Variants in TTLL5 observed in about 807,000 individuals in gnomAD.
TTLL5 encodes tubulin tyrosine ligase like 5.
TTLL5 carries 132 observed loss-of-function variants against 168.4 expected under a neutral mutation model. That is an observed-to-expected ratio of 0.78 (90% CI 0.68 to 0.91). The LOEUF (loss-of-function observed/expected upper bound fraction) is 0.91, where lower values mean the gene tolerates loss of function less well. TTLL5 is among the 40% of genes least tolerant of loss of function. TTLL5 has a pLI of 0.00. For synonymous variants in TTLL5, 546 were observed against 558.6 expected (o/e 0.98, Z 0.32); for missense variants, 1,545 against 1,581.5 (o/e 0.98, Z 0.39).
In TTLL5 at chr14:75,717,919, C is replaced by G. The variant is rs1422171386; in HGVS notation, c.799C>G (p.Leu267Val). Residue 267 changes from leucine (L) to valine (V), a missense_variant, in exon 10 of 32, where the codon CTG becomes GTG. Physicochemically the swap from Leu to Val is conservative, Grantham distance 32 (BLOSUM62 1). Transcript: ENST00000298832. ...GAACATTCGGAACCAGTTCATGCAT[C>G]TGACAAACTACAGTGTCAACAAGAA... ...AKNIRNQFMHLTNYSVNKKSG... is the reference protein window; with the variant it reads ...AKNIRNQFMHVTNYSVNKKSG... The G allele has an allele frequency of 6.2e-7, 1 of 1,613,834 alleles. No individual in the cohort carries two copies. The highest frequency in any genetic ancestry group is 1.1e-5 in the South Asian group (1 of 91,080).
intron 20 of TTLL5, among the ~76,000 whole-genome samples, chr14:75,768,081 T>A (rs561544569): frequency 1.3e-5 from 2 of 152,276 alleles, no homozygotes; most frequent in African/African-American, 4.8e-5. Flanking sequence ...TTGAACAGGA[T>A]TGTATAGTTG....
chr14:75,756,284 G>A (rs753391077), intron 18 of TTLL5, among the ~76,000 whole-genome samples: 14 of 152,036 alleles, frequency 9.2e-5, no homozygotes, highest in Non-Finnish European at 1.6e-4. Flanking sequence ...AACATGTTAT[G>A]TGACTCTATA....
At chr14:75,929,069 T>C (rs1028639842) in intron 31 of TTLL5, among the ~76,000 whole-genome samples, 7 of 145,510 alleles carry the variant, frequency 4.8e-5, no homozygotes, top group African/African-American at 1.8e-4. Context: ...CATCTTGTCA[T>C]TGTACACAAG....
chr14:75,707,929 A>G, intron 9 of TTLL5, among the ~76,000 whole-genome samples: 1 of 152,228 alleles, frequency 6.6e-6, no homozygotes, highest in East Asian at 1.9e-4. Flanking sequence ...CTGTAGTCTC[A>G]CTGCATGTCC....
At chr14:75,852,138 C>G (rs947031384) in intron 28 of TTLL5, among the ~76,000 whole-genome samples, 1 of 152,168 alleles carries the variant, frequency 6.6e-6, no homozygotes, top group African/African-American at 2.4e-5. Context: ...GAGCTAGGAT[C>G]TGAACCTTGC....
chr14:75,732,254 G>A, intron 12 of TTLL5, 84 bp from the exon 13 acceptor site: 1 of 1,187,284 alleles, frequency 8.4e-7, no homozygotes, highest in Non-Finnish European at 1.2e-6. Context: ...AGGCCTGGGA[G>A]TTAATGAGAT....
intron 31 of TTLL5, among the ~76,000 whole-genome samples, chr14:75,924,160 C>T (rs1323789374): frequency 6.6e-6 from 1 of 151,348 alleles, no homozygotes; most frequent in Non-Finnish European, 1.5e-5. Flanking sequence ...ACTGATGGGT[C>T]TTGACTCTTT....
chr14:75,894,795 TACTA>T (rs1202048955), intron 30 of TTLL5, among the ~76,000 whole-genome samples: 4 of 152,086 alleles, frequency 2.6e-5, no homozygotes. Context: ...AATTATGAAA[TACTA>T]ATCAGAAGGA....
rs113014951 is a variant in TTLL5 at position 75,931,435 on chromosome 14, T to A, written c.3824-22989T>A. Among the ~76,000 whole-genome samples, 55 of 152,322 alleles carry A rather than the reference T, an allele frequency of 3.6e-4. 1 individual carries two copies. Among genetic ancestry groups the A allele is most frequent in the African/African-American group, 1.3e-3 (54 of 41,574 alleles). On this transcript the variant is annotated intron_variant, in intron 31 of 31. Coordinates refer to ENST00000298832, the MANE Select transcript of TTLL5 (RefSeq NM_015072.5). ...ACTTTTCCCTTTAAATATCCCTCAG[T>A]TAACAACTTAACAAGTCCAATTTCA...
intron 16 of TTLL5, 75 bp from the exon 17 acceptor site, chr14:75,745,415 A>G (rs1229800808): frequency 2.1e-6 from 3 of 1,454,004 alleles, no homozygotes; most frequent in East Asian, 2.3e-5. Context: ...GGTCATAACT[A>G]TCTTCCTTTG....
intron 31 of TTLL5, among the ~76,000 whole-genome samples, chr14:75,948,258 G>C (rs144505213): frequency 1.3e-5 from 2 of 152,146 alleles, no homozygotes; most frequent in South Asian, 4.1e-4. Flanking sequence ...GCCAAGACGG[G>C]TGGATCACCT....
intron 31 of TTLL5, among the ~76,000 whole-genome samples, chr14:75,927,748 C>T (rs892220894): frequency 6.6e-6 from 1 of 152,120 alleles, no homozygotes; most frequent in Non-Finnish European, 1.5e-5. Flanking sequence ...CTCTCTTTTT[C>T]CCTGTTTGGA....
intron 28 of TTLL5, among the ~76,000 whole-genome samples, chr14:75,857,795 G>A (rs1290695496): frequency 6.6e-6 from 1 of 151,776 alleles, no homozygotes; most frequent in African/African-American, 2.4e-5. Context: ...GGAATTACAG[G>A]CACCAGCCAC....
intron 28 of TTLL5, among the ~76,000 whole-genome samples, chr14:75,849,058 G>C (rs1294303376): frequency 6.6e-6 from 1 of 152,206 alleles, no homozygotes; most frequent in African/African-American, 2.4e-5. Flanking sequence ...TTAAAGGACA[G>C]ACATATCAGC....
Position 75,820,048 on chromosome 14 carries a change from C to A in TTLL5, c.3213C>A (p.Ser1071Arg). ...LNLATGIINRSSASAPPTLRP... is the reference protein window; with the variant it reads ...LNLATGIINRRSASAPPTLRP... ...TGGCAACTGGCATCATAAACAGAAG[C>A]AGTGCTTCAGCTCCCCCAACCCTCC... Residue 1071 changes from serine to arginine, a missense_variant, in exon 28 of 32, where the codon AGC becomes AGA. Ser to Arg is a moderately radical substitution (Grantham distance 110). Coordinates refer to ENST00000298832, the MANE Select transcript of TTLL5 (RefSeq NM_015072.5). 6.2e-7 allele frequency: 1 copy of A among 1,606,390 alleles called. No individual in the cohort carries two copies. The highest frequency in any genetic ancestry group is 8.5e-7 in the Non-Finnish European group (1 of 1,176,744).
In TTLL5 at chr14:75,687,398, C is replaced by T. The variant is rs537156241; in HGVS notation, c.372-2794C>T. ...AAGCGATTCTCCTGCCTCAGCCTCC[C>T]GAGTAGCTGGGACTACAGGCATGCA... On this transcript the variant is annotated intron_variant, in intron 5 of 31. Transcript: ENST00000298832. 6.6e-5 allele frequency among the ~76,000 whole-genome samples: 10 copies of T among 152,214 alleles called. No homozygotes were observed. The East Asian group carries it at 1.5e-3, about 24-fold the overall frequency.
intron 28 of TTLL5, among the ~76,000 whole-genome samples, chr14:75,856,924 G>A (rs1450362959): frequency 2.0e-5 from 3 of 151,948 alleles, no homozygotes; most frequent in African/African-American, 4.8e-5. Flanking sequence ...ACACCCAGCC[G>A]AGTTGTATTG....
intron 29 of TTLL5, among the ~76,000 whole-genome samples, chr14:75,869,052 G>GTC (rs966123851): frequency 7.1e-6 from 1 of 141,572 alleles, no homozygotes; most frequent in Admixed American, 7.0e-5. Context: ...GTGTGTGTGT[G>GTC]TGTGTGTGTG....
At position 75,707,057 on chromosome 14, in the gene TTLL5, C is replaced by A. The variant is rs757525224; in HGVS notation, c.625C>A (p.Arg209Ser). The A allele has an allele frequency of 1.2e-6, 2 of 1,612,736 alleles. No homozygotes were observed. The highest frequency in any genetic ancestry group is 3.3e-5 in the Admixed American group (2 of 59,962). Residue 209 changes from arginine to serine, a missense_variant, in exon 8 of 32, where the codon CGT becomes AGT. Arg to Ser is a moderately radical substitution (Grantham distance 110). Transcript: ENST00000298832. ...CCTGGAAGAGAACATTTTGGTCTCC[C>A]GTTACATTAACAACCCCCTGCTCAT... is the stretch of plus-strand genomic sequence containing the variant. ...ISLEENILVSRYINNPLLIDD... is the reference protein window; with the variant it reads ...ISLEENILVSSYINNPLLIDD...
Sources: allele counts gnomAD v4.1 joint callset (sites outside exome capture counted in the v4.1 genomes callset), GRCh38; gene constraint gnomAD v4.1.1; transcripts MANE v1.5; gene names NCBI Gene and HGNC (gene_info 2026-07-23, HGNC 2026-07-21).